The following CENPW variants were observed in gnomAD, a reference collection of about 807,000 sequenced individuals.
The protein encoded by CENPW is centromere protein W, also known as cancer-up-regulated gene 2 protein.
Under a neutral mutation model 11.1 loss-of-function variants are expected in CENPW, and 3 were observed. The ratio of observed to expected loss-of-function variants is 0.27; its 90% CI spans 0.12 to 0.70. The LOEUF (loss-of-function observed/expected upper bound fraction) is 0.70, where lower values mean the gene tolerates loss of function less well. CENPW is among the 30% of genes least tolerant of loss of function. The pLI is 0.77. For synonymous variants in CENPW, 38 were observed against 42.0 expected, an observed-to-expected ratio of 0.91 and a Z score of 0.37; for missense variants, 100 against 105.6, an observed-to-expected ratio of 0.95 and a Z score of 0.23.
the CENPW span, among the ~76,000 whole-genome samples, chr6:126,466,221 C>T: frequency 2.4e-4 from 37 of 151,940 alleles, no homozygotes; most frequent in Non-Finnish European, 4.6e-4. Flanking sequence ...ATGTATAATG[C>T]GGTAAAACAA....
At chr6:126,471,103 C>A in the CENPW span, among the ~76,000 whole-genome samples, 2 of 151,952 alleles carry the variant, frequency 1.3e-5, no homozygotes, top group Non-Finnish European at 2.9e-5. Context: ...TTGGAAGGGG[C>A]CAGGGGCTGA....
At chr6:126,467,430 C>A in the CENPW span, among the ~76,000 whole-genome samples, 2 of 151,834 alleles carry the variant, frequency 1.3e-5, no homozygotes, top group African/African-American at 2.4e-5. Context: ...GGGAAAACTA[C>A]GAAGTAAGGA....
intron 1 of CENPW, among the ~76,000 whole-genome samples, chr6:126,343,496 A>G (rs150466328): frequency 1.3e-5 from 2 of 152,336 alleles, no homozygotes; most frequent in East Asian, 1.9e-4. Context: ...AAGTCCCACA[A>G]TAGGCCATCT....
the CENPW span, among the ~76,000 whole-genome samples, chr6:126,433,028 T>C: frequency 6.6e-6 from 1 of 152,216 alleles, no homozygotes; most frequent in Non-Finnish European, 1.5e-5. Flanking sequence ...TTTCTGTGAA[T>C]TGGCCCAGCC....
chr6:126,447,018 A>G, the CENPW span, among the ~76,000 whole-genome samples: 1 of 151,158 alleles, frequency 6.6e-6, no homozygotes, highest in African/African-American at 2.4e-5. Flanking sequence ...GGAGTAACCC[A>G]AACTAGAAAA....
At chr6:126,360,039 A>C in the CENPW span, among the ~76,000 whole-genome samples, 13 of 152,134 alleles carry the variant, frequency 8.5e-5, no homozygotes, top group African/African-American at 2.4e-4. Flanking sequence ...TATGTGCTTA[A>C]GTTTGATTTT....
chr6:126,355,656 T>A, the CENPW span, among the ~76,000 whole-genome samples: 4 of 152,190 alleles, frequency 2.6e-5, no homozygotes, highest in African/African-American at 9.6e-5. Flanking sequence ...TAAGTTATAA[T>A]TTTTTAAAAG....
chr6:126,422,000 A>G, the CENPW span, among the ~76,000 whole-genome samples: 1 of 152,130 alleles, frequency 6.6e-6, no homozygotes, highest in Non-Finnish European at 1.5e-5. Flanking sequence ...TAACCAGAAG[A>G]AAAGGGACAG....
At chr6:126,472,436 CT>C in the CENPW span, among the ~76,000 whole-genome samples, 1 of 152,148 alleles carries the variant, frequency 6.6e-6, no homozygotes, top group African/African-American at 2.4e-5. Context: ...TTTCTGGCTT[CT>C]TTTACTCTGC....
chr6:126,381,720 AG>A, the CENPW span, among the ~76,000 whole-genome samples: 2 of 152,134 alleles, frequency 1.3e-5, no homozygotes, highest in African/African-American at 4.8e-5. Context: ...TGCCCTATGA[AG>A]GGCTTTGGCT....
the CENPW span, among the ~76,000 whole-genome samples, chr6:126,419,170 A>C: frequency 1.3e-5 from 2 of 152,148 alleles, no homozygotes; most frequent in Admixed American, 1.3e-4. Flanking sequence ...GAGGTAGATC[A>C]TGTCCTTCTT....
chr6:126,399,314 G>C, the CENPW span, among the ~76,000 whole-genome samples: 1 of 152,004 alleles, frequency 6.6e-6, no homozygotes, highest in Non-Finnish European at 1.5e-5. Context: ...GGGACCAGGG[G>C]ATATGGAGGG....
the CENPW span, among the ~76,000 whole-genome samples, chr6:126,469,029 A>G: frequency 1.3e-5 from 2 of 152,062 alleles, no homozygotes; most frequent in Non-Finnish European, 2.9e-5. Flanking sequence ...ACTGACCTCA[A>G]GTGATCCACC....
the CENPW span, among the ~76,000 whole-genome samples, chr6:126,422,460 C>T: frequency 6.6e-6 from 1 of 152,022 alleles, no homozygotes; most frequent in Non-Finnish European, 1.5e-5. Context: ...TTTTCTTCAT[C>T]CTCACGTGGC....
chr6:126,362,054 C>T, the CENPW span, among the ~76,000 whole-genome samples: 2 of 152,150 alleles, frequency 1.3e-5, no homozygotes, highest in Non-Finnish European at 2.9e-5. Context: ...GCTCTGTGCA[C>T]ACACTTCTAT....
At chr6:126,418,137 G>A in the CENPW span, among the ~76,000 whole-genome samples, 32 of 152,258 alleles carry the variant, frequency 2.1e-4, no homozygotes, top group African/African-American at 5.3e-4. Flanking sequence ...GTTATTATAC[G>A]CTGCTGGTCA....
At chr6:126,443,724 T>A in the CENPW span, among the ~76,000 whole-genome samples, 1 of 151,224 alleles carries the variant, frequency 6.6e-6, no homozygotes, top group Non-Finnish European at 1.5e-5. Flanking sequence ...TTTCCTTGCA[T>A]TTATTATTTA....
chr6:126,475,963 C>T, the CENPW span, among the ~76,000 whole-genome samples: 1 of 151,724 alleles, frequency 6.6e-6, no homozygotes, highest in East Asian at 1.9e-4. Context: ...CACGTTAGAG[C>T]TATTGAAGGC....
the CENPW span, among the ~76,000 whole-genome samples, chr6:126,435,549 T>C: frequency 1.3e-5 from 2 of 151,930 alleles, no homozygotes; most frequent in Non-Finnish European, 2.9e-5. Context: ...CAGTATCCTA[T>C]GTCTGTTGTG....
Sources: allele counts gnomAD v4.1 joint callset (sites outside exome capture counted in the v4.1 genomes callset), GRCh38; gene constraint gnomAD v4.1.1; transcripts MANE v1.5; gene names NCBI Gene and HGNC (gene_info 2026-07-23, HGNC 2026-07-21).